The following RASGRP4 variants were observed in gnomAD, a reference collection of about 807,000 sequenced individuals.
The protein encoded by RASGRP4 is RAS guanyl releasing protein 4, also known as RAS guanyl-releasing protein 4.
Under a neutral mutation model 84.4 loss-of-function variants are expected in RASGRP4, and 52 were observed. The observed-to-expected ratio is 0.62, with a 90% CI of 0.49 to 0.78. The LOEUF is 0.78. Ranked by LOEUF, RASGRP4 falls within the 30% of genes least tolerant of loss-of-function variation. The pLI, the probability that RASGRP4 is intolerant of heterozygous loss-of-function variation, is 0.00. For synonymous variants in RASGRP4, 356 were observed against 359.1 expected, an observed-to-expected ratio of 0.99 and a Z score of 0.10; for missense variants, 760 against 886.9, an observed-to-expected ratio of 0.86 and a Z score of 1.82.
chr19:38,415,430 T>A (rs913598909), intron 8 of RASGRP4, among the ~76,000 whole-genome samples: 1 of 149,666 alleles, frequency 6.7e-6, no homozygotes, highest in African/African-American at 2.5e-5. Context: ...TAGAGTGCAG[T>A]GGCGTGATCT....
In RASGRP4 at chr19:38,417,091, G is replaced by C; in HGVS notation, c.915C>G (p.Leu305=). 1 of 1,563,898 alleles carries C rather than the reference G, an allele frequency of 6.4e-7. No homozygotes were observed. The highest frequency in any genetic ancestry group is 1.2e-5 in the South Asian group (1 of 84,728). ...GGLCHSAISR[L]KDSHAHLSPD... The stretch of plus-strand genomic sequence containing the variant: ...GGCTCAGGTGGGCATGGGAGTCCTT[G>C]AGTCTGGAGATGGCACTGTGACACA... The change falls in exon 8 of 17, where the codon CTC becomes CTG. Residue 305 remains leucine (L), a synonymous_variant. Coordinates refer to ENST00000615439, the MANE Select transcript of RASGRP4 (RefSeq NM_170604.3). This position sits in a 1 kb window ranked among gnomAD's most constrained non-coding sequence, Gnocchi z 5.1.
At position 38,421,212 on chromosome 19, in the gene RASGRP4, G is replaced by C; in HGVS notation, c.209-12C>G. The C allele has an allele frequency of 6.3e-7, 1 of 1,587,332 alleles. No individual in the cohort carries two copies. The highest frequency in any genetic ancestry group is 8.6e-7 in the Non-Finnish European group (1 of 1,156,176). On this transcript the variant is annotated splice_polypyrimidine_tract_variant and intron_variant, in intron 2 of 16. Coordinates refer to ENST00000615439, the MANE Select transcript of RASGRP4 (RefSeq NM_170604.3). ...GCTGCCAGCTGAATCTGGGGTGGAA[G>C]GAGGGGTACTCTGTGACAGAATGGC... is the stretch of plus-strand genomic sequence containing the variant.
intron 1 of RASGRP4, among the ~76,000 whole-genome samples, chr19:38,425,198 A>C (rs1167755848): frequency 4.7e-5 from 7 of 147,550 alleles, no homozygotes; most frequent in African/African-American, 1.0e-4. Flanking sequence ...AAAAAAAACA[A>C]AAAAAAAAAA....
In RASGRP4 at chr19:38,417,034, G is replaced by A; in HGVS notation, c.954+18C>T. 7.1e-7 allele frequency: 1 copy of A among 1,417,920 alleles called. No individual in the cohort carries two copies. The allele number at this position is 1,417,920 out of a possible 1,614,324, so 87.8% of individuals were successfully genotyped here. ...ACAGCTGACCACTTGGAGCTTTGGG[G>A]AGGGTAGTGGGATTCACCTTGGTGC... is the stretch of plus-strand genomic sequence containing the variant. On this transcript the variant is annotated intron_variant, in intron 8 of 16. Coordinates refer to ENST00000615439, the MANE Select transcript of RASGRP4 (RefSeq NM_170604.3). The surrounding 1 kb of genome is among the most constrained non-coding windows in gnomAD (Gnocchi z 5.1).
Position 38,420,933 on chromosome 19 carries a change from G to C in RASGRP4, c.352C>G (p.Arg118Gly). The C allele has an allele frequency of 6.2e-7, 1 of 1,613,908 alleles. No homozygotes were observed. Among genetic ancestry groups the C allele is most frequent in the Non-Finnish European group, 8.5e-7 (1 of 1,179,852 alleles). The change falls in exon 4 of 17, where the codon CGG becomes GGG. Residue 118 changes from arginine to glycine, a missense_variant. Coordinates refer to ENST00000615439, the MANE Select transcript of RASGRP4 (RefSeq NM_170604.3). ...KATGDTQELRRLQICHLVRYW... is the reference protein window; with the variant it reads ...KATGDTQELRGLQICHLVRYW... Reference sequence around the variant, plus strand: ...CTGACCAGGTGACAGATCTGCAGCCGTCTCAGCTCCTGGGTGTCCCCTGTG... The same window carrying C: ...CTGACCAGGTGACAGATCTGCAGCCCTCTCAGCTCCTGGGTGTCCCCTGTG...
chr19:38,413,338 G>A lies in RASGRP4; in HGVS notation c.1312-41C>T. 6.2e-7 allele frequency: 1 copy of A among 1,602,100 alleles called. No homozygotes were observed. The highest frequency in any genetic ancestry group is 8.5e-7 in the Non-Finnish European group (1 of 1,170,142). On this transcript the variant is annotated intron_variant, in intron 10 of 16. Coordinates refer to ENST00000615439, the MANE Select transcript of RASGRP4 (RefSeq NM_170604.3). The surrounding 1 kb of genome is among the most constrained non-coding windows in gnomAD (Gnocchi z 4.7). ...AGGAGCACAGTTAGTCACTGCATAG[G>A]CTTAGGGGGGGTTCGAGGTAATTGG...
rs1452404617 is a variant in RASGRP4, at chr19:38,418,310, C to T, written c.837+81G>A. The T allele has an allele frequency of 1.4e-6, 2 of 1,439,180 alleles. No homozygotes were observed. Among genetic ancestry groups the T allele is most frequent in the Non-Finnish European group, 1.9e-6 (2 of 1,051,148 alleles). The allele number at this position is 1,439,180 out of a possible 1,614,324, so 89.2% of individuals were successfully genotyped here. ...GCGTGACGTCACCGCCGGGATGACCCTGTGGGGTCGAGGGTCTGGAAGGGG... is the reference window on the plus strand; with the variant it reads ...GCGTGACGTCACCGCCGGGATGACCTTGTGGGGTCGAGGGTCTGGAAGGGG... On this transcript the variant is annotated intron_variant, in intron 7 of 16. Transcript: ENST00000615439. The surrounding 1 kb of genome is among the most constrained non-coding windows in gnomAD (Gnocchi z 4.6).
chr19:38,422,600 G>T (rs564543785), intron 1 of RASGRP4, among the ~76,000 whole-genome samples: 1 of 148,204 alleles, frequency 6.7e-6, no homozygotes, highest in Non-Finnish European at 1.5e-5. Context: ...TAGGCTGCGT[G>T]CTGTTTATGA....
At chr19:38,411,087 C>A (rs1412220737) in intron 15 of RASGRP4, 28 bp downstream of exon 15, 1 of 1,609,790 alleles carries the variant, frequency 6.2e-7, no homozygotes, top group Non-Finnish European at 8.5e-7. Flanking sequence ...CAGGCCCCTT[C>A]CCAGCACCGG....
intron 16 of RASGRP4, 117 bp from the exon 17 acceptor site, chr19:38,410,213 A>G: frequency 1.4e-6 from 1 of 721,438 alleles, no homozygotes; most frequent in Non-Finnish European, 2.3e-6. Context: ...GGATGAATGA[A>G]CGTCCCCTGT....
chr19:38,420,082 G>A (rs748979570), intron 5 of RASGRP4, 49 bp downstream of exon 5: 1 of 1,607,602 alleles, frequency 6.2e-7, no homozygotes, highest in Non-Finnish European at 8.5e-7. Flanking sequence ...AGAGGGAGAT[G>A]GCAGAATGGC....
chr19:38,409,090 A>G lies in RASGRP4; in HGVS notation c.*950T>C. On this transcript the variant is annotated 3_prime_UTR_variant, in exon 17 of 17. Transcript: ENST00000615439. ...AATAAATTTAATTTATGACAGCTGT[A>G]GGACCTCTCTCTGTGGGGGCCAAGT... 5.1e-6 allele frequency: 2 copies of G among 393,676 alleles called. No homozygotes were observed. The highest frequency in any genetic ancestry group is 8.6e-6 in the Non-Finnish European group (2 of 233,054). The allele number at this position is 393,676 out of a possible 1,614,324, so 24.4% of individuals were successfully genotyped here.
chr19:38,419,148 G>A (rs1971630104), intron 6 of RASGRP4, among the ~76,000 whole-genome samples: 1 of 152,144 alleles, frequency 6.6e-6, no homozygotes, highest in Non-Finnish European at 1.5e-5. Context: ...CCCTTGAAAT[G>A]ATGATGTCCA....
chr19:38,411,437 T>A, intron 13 of RASGRP4, 56 bp from the exon 14 acceptor site: 1 of 1,463,492 alleles, frequency 6.8e-7, no homozygotes, highest in Admixed American at 2.3e-5. Flanking sequence ...GGCTGTGGAT[T>A]GGCAGGGCAG....
chr19:38,421,950 C>G lies in RASGRP4; in HGVS notation c.208+19G>C, dbSNP rs1222289416. On this transcript the variant is annotated intron_variant, in intron 2 of 16. Coordinates refer to ENST00000615439, the MANE Select transcript of RASGRP4 (RefSeq NM_170604.3). ...CCCGAGGTTAGGGCCAGGGAGGCTG[C>G]TGGGGAGAGGACACTTACCGAAGGA... 1.9e-6 allele frequency: 3 copies of G among 1,600,812 alleles called. No individual in the cohort carries two copies. In the Admixed American group the frequency reaches 5.1e-5, roughly 27 times the overall value.
At position 38,418,744 on chromosome 19, in the gene RASGRP4, T is replaced by C. The variant is rs1971613511; in HGVS notation, c.664-180A>G. Among the ~76,000 whole-genome samples, 1 of 152,200 alleles carries C rather than the reference T, an allele frequency of 6.6e-6. No homozygotes were observed. The highest frequency in any genetic ancestry group is 1.5e-5 in the Non-Finnish European group (1 of 68,032). ...TTAACGTCACCATGCTCCTCTCCCA[T>C]CTGAGGAGGCATGTTTCAATATAGC... On this transcript the variant is annotated intron_variant, in intron 6 of 16. Coordinates refer to ENST00000615439, the MANE Select transcript of RASGRP4 (RefSeq NM_170604.3). This position sits in a 1 kb window ranked among gnomAD's most constrained non-coding sequence, Gnocchi z 4.6.
intron 1 of RASGRP4, among the ~76,000 whole-genome samples, chr19:38,425,191 A>C (rs111323194): frequency 0.038 from 5,767 of 150,810 alleles, 316 homozygotes; most frequent in African/African-American, 0.13. Context: ...CTCAAAAAAA[A>C]AAAACAAAAA....
At position 38,412,898 on chromosome 19, in the gene RASGRP4, T is replaced by C; in HGVS notation, c.1535+33A>G. 6.2e-7 allele frequency: 1 copy of C among 1,613,204 alleles called. No individual in the cohort carries two copies. The highest frequency in any genetic ancestry group is 8.5e-7 in the Non-Finnish European group (1 of 1,179,192). On this transcript the variant is annotated intron_variant, in intron 12 of 16. Transcript: ENST00000615439. The surrounding 1 kb of genome is among the most constrained non-coding windows in gnomAD (Gnocchi z 4.6). ...AGTCCAGGCAACCCCAGTGTCCTCATCTTCGGAGGATCCAGGAGTCACAAC... is the reference window on the plus strand; with the variant it reads ...AGTCCAGGCAACCCCAGTGTCCTCACCTTCGGAGGATCCAGGAGTCACAAC...
rs1420168515 is a variant in RASGRP4 at position 38,412,791 on chromosome 19, G to T, written c.1561C>A (p.Leu521Met). ...CTGGCCCGGAGCAGGTACCCTGTCA[G>T]CTCCTCTCTGCTGAAGGATCCTCTC... The part of the protein sequence containing the change: ...QGRGSFSREE[L>M]TGYLLRASAI... The change falls in exon 13 of 17, where the codon CTG (leucine) becomes ATG (methionine). Residue 521 changes from leucine to methionine, a missense_variant. By Grantham distance (15) the Leu-to-Met change is conservative. Coordinates refer to ENST00000615439, the MANE Select transcript of RASGRP4 (RefSeq NM_170604.3). The surrounding 1 kb of genome is among the most constrained non-coding windows in gnomAD (Gnocchi z 4.6). 1.9e-6 allele frequency: 3 copies of T among 1,606,396 alleles called. No homozygotes were observed. The highest frequency in any genetic ancestry group is 2.5e-6 in the Non-Finnish European group (3 of 1,176,478).
Sources: allele counts gnomAD v4.1 joint callset (sites outside exome capture counted in the v4.1 genomes callset), GRCh38; gene constraint gnomAD v4.1.1; non-coding constraint Gnocchi (gnomAD v3.1); transcripts MANE v1.5; gene names NCBI Gene and HGNC (gene_info 2026-07-23, HGNC 2026-07-21).